Variants in CD163 observed in about 807,000 individuals in gnomAD.
CD163 encodes the protein scavenger receptor cysteine-rich type 1 protein M130.
A neutral mutation model predicts 129.2 loss-of-function variants in CD163; 64 were observed. That is an observed-to-expected ratio of 0.50 (90% CI 0.41 to 0.61). The LOEUF (loss-of-function observed/expected upper bound fraction) is 0.61. Ranked by LOEUF, CD163 falls within the 20% of genes least tolerant of loss-of-function variation. The probability of loss-of-function intolerance (pLI) is 0.00; values close to 1 mark genes in which losing one functional copy is unlikely to be tolerated. For synonymous variants in CD163, 446 were observed against 478.5 expected (o/e 0.93, Z 0.89); for missense variants, 1,061 against 1,377.9 (o/e 0.77, Z 3.64).
At position 7,485,058 on chromosome 12, in the gene CD163, G is replaced by A. The variant is rs1317822712; in HGVS notation, c.2779+38C>T. ...ATTATCAGAAGATGATAGCGGGGCT[G>A]CAGAATGGAATTTTCATATAGGTCG... On this transcript the variant is annotated intron_variant, in intron 11 of 16. Transcript: ENST00000432237. This position sits in a 1 kb window ranked among gnomAD's most constrained non-coding sequence, Gnocchi z 4.5. 6.6e-7 allele frequency: 1 copy of A among 1,515,070 alleles called. No individual in the cohort carries two copies. 93.9% of individuals were successfully genotyped at this position (1,515,070 alleles called of 1,614,324 possible).
At chr12:7,501,613 T>G (rs185998854) in intron 2 of CD163, 151 bp from the exon 3 acceptor site, 5 of 636,492 alleles carry the variant, frequency 7.9e-6, no homozygotes, top group African/African-American at 7.3e-5. Context: ...TATTTCACAG[T>G]CATTCAAATA....
chr12:7,488,119 A>G, intron 6 of CD163, 32 bp from the exon 7 acceptor site: 1 of 1,539,946 alleles, frequency 6.5e-7, no homozygotes, highest in Non-Finnish European at 8.8e-7. Flanking sequence ...AGTGAGAGGT[A>G]ATATGATTTC....
intron 11 of CD163, among the ~76,000 whole-genome samples, chr12:7,483,917 T>G (rs1370275077): frequency 1.4e-5 from 2 of 146,952 alleles, no homozygotes; most frequent in African/African-American, 5.0e-5. Context: ...CTCGGCTCAC[T>G]GCAAGCTCCG....
chr12:7,483,843 T>TA (rs1259483569), intron 11 of CD163, 168 bp from the exon 12 acceptor site: 184 of 38,382 alleles, frequency 4.8e-3, no homozygotes, highest in African/African-American at 0.011. Context: ...ATATATATAT[T>TA]TTTTTTTTTT....
chr12:7,497,173 A>C, intron 4 of CD163, 40 bp from the exon 5 acceptor site: 1 of 1,533,488 alleles, frequency 6.5e-7, no homozygotes, highest in Non-Finnish European at 8.9e-7. Context: ...ATAAGGAAGC[A>C]AGAACATGAG....
At chr12:7,484,301 C>G (rs773084710) in intron 11 of CD163, among the ~76,000 whole-genome samples, 1 of 152,142 alleles carries the variant, frequency 6.6e-6, no homozygotes, top group East Asian at 1.9e-4. Context: ...TTCAAATAGG[C>G]AAGATCTTGG....
Position 7,495,209 on chromosome 12 carries a change from T to G in CD163, c.1292A>C (p.Gln431Pro). The change falls in exon 6 of 17, where the codon CAG becomes CCG. Residue 431 changes from glutamine to proline, a missense_variant. By Grantham distance (76) the Gln-to-Pro change is moderately conservative. Transcript: ENST00000432237. ...TAGAAACAGCCATGTGTTTGTTGCC[T>G]GGATTTTGGAGTACACTTGATAAGA... ...KTSYQVYSKI[Q>P]ATNTWLFLSS... 1 of 1,614,182 alleles carries G rather than the reference T, an allele frequency of 6.2e-7. No individual in the cohort carries two copies.
rs755739365 is a variant in CD163, at chr12:7,479,992, A to G, written c.3344-79T>C. 1.9e-6 allele frequency: 3 copies of G among 1,607,270 alleles called. No homozygotes were observed. The East Asian group carries it at 6.7e-5, about 36-fold the overall frequency. On this transcript the variant is annotated intron_variant, in intron 15 of 16. Transcript: ENST00000432237. The stretch of plus-strand genomic sequence containing the variant: ...CACTGAAATCAGCTGACTCATGGGA[A>G]TTTTCTGAAAGGAAGAAAATAATTA...
rs752858863 is a variant in CD163, at chr12:7,483,421, G to A, written c.3034C>T (p.Arg1012Cys). 59 of 1,613,854 alleles carry A rather than the reference G, an allele frequency of 3.7e-5. No homozygotes were observed. Among genetic ancestry groups the A allele is most frequent in the East Asian group, 4.5e-5 (2 of 44,872 alleles). Residue 1012 changes from arginine to cysteine, a missense_variant, in exon 12 of 17, where the codon CGC (arginine) becomes TGC (cysteine). Physicochemically the swap from Arg to Cys is radical, Grantham distance 180 (BLOSUM62 -3). Transcript: ENST00000432237. ...TGCCCACACTCACTATGGCCCCAGCGTCTGGCAGGACAATCCCACAAGGAA... is the reference window on the plus strand; with the variant it reads ...TGCCCACACTCACTATGGCCCCAGCATCTGGCAGGACAATCCCACAAGGAA... The part of the protein sequence containing the change: ...ESSLWDCPAR[R>C]WGHSECGHKE...
At position 7,499,052 on chromosome 12, in the gene CD163, T is replaced by C. The variant is rs757780756; in HGVS notation, c.594A>G (p.Arg198=). The C allele has an allele frequency of 8.7e-6, 14 of 1,614,188 alleles. No individual in the cohort carries two copies. Among genetic ancestry groups the C allele is most frequent in the Non-Finnish European group, 1.1e-5 (13 of 1,180,026 alleles). The change falls in exon 4 of 17, where the codon AGA becomes AGG. Residue 198 remains arginine, a synonymous_variant. Coordinates refer to ENST00000432237, the MANE Select transcript of CD163 (RefSeq NM_203416.4). ...TGACAGCACTTCCACATTCAAGTTG[T>C]CTACAAATGACAGATGCATGATCTA... The part of the protein sequence containing the change: ...FNIDHASVIC[R]QLECGSAVSF...
Position 7,496,898 on chromosome 12 carries a change from A to G in CD163, c.1014T>C (p.His338=). The change falls in exon 5 of 17, where the codon CAT becomes CAC. Residue 338 remains histidine (H), a synonymous_variant. Coordinates refer to ENST00000432237, the MANE Select transcript of CD163 (RefSeq NM_203416.4). This position sits in a 1 kb window ranked among gnomAD's most constrained non-coding sequence, Gnocchi z 4.8. ...GTTTACATTGCCAGATAGCAGGTTC[A>G]TGTCCCTGGCAAGAAACGCTGTCAA... ...IWLDSVSCQG[H]EPAIWQCKHH... is the part of the protein sequence containing the mutation. The G allele has an allele frequency of 6.2e-7, 1 of 1,613,998 alleles. No individual in the cohort carries two copies. The highest frequency in any genetic ancestry group is 1.1e-5 in the South Asian group (1 of 91,082).
intron 6 of CD163, among the ~76,000 whole-genome samples, chr12:7,488,376 A>T (rs947788009): frequency 6.6e-6 from 1 of 152,228 alleles, no homozygotes; most frequent in African/African-American, 2.4e-5. Context: ...TGCTTACTTT[A>T]TTCATAATAA....
intron 15 of CD163, chr12:7,480,163 G>T: frequency 1.7e-6 from 1 of 580,236 alleles, no homozygotes. Flanking sequence ...TCCTGACACA[G>T]TAACAGTACA....
In CD163 at chr12:7,483,365, AC is replaced by A; in HGVS notation, c.3088+1del. The A allele has an allele frequency of 6.2e-7, 1 of 1,609,780 alleles. No homozygotes were observed. The highest frequency in any genetic ancestry group is 8.5e-7 in the Non-Finnish European group (1 of 1,177,898). ...AGCTCAATCCAGGCTTCTGGCACTT[AC>A]CTGTGCAATTCACTGCAGCGTCTTC... is the stretch of plus-strand genomic sequence containing the variant. On this transcript the variant is annotated splice_donor_variant, in intron 12 of 16. Coordinates refer to ENST00000432237, the MANE Select transcript of CD163 (RefSeq NM_203416.4). LOFTEE classifies it high-confidence loss of function.
Position 7,496,022 on chromosome 12 carries a change from A to G in CD163, c.1100-621T>C, listed in dbSNP as rs982222290. On this transcript the variant is annotated intron_variant, in intron 5 of 16. Transcript: ENST00000432237. The surrounding 1 kb of genome is among the most constrained non-coding windows in gnomAD (Gnocchi z 4.8). ...ATCATTCTACTATAAAGACACATGC[A>G]CATGTATGTTTATTGCAGCACTATC... Among the ~76,000 whole-genome samples the G allele has an allele frequency of 6.6e-6, 1 of 152,226 alleles. No individual in the cohort carries two copies. Among genetic ancestry groups the G allele is most frequent in the Non-Finnish European group, 1.5e-5 (1 of 68,052 alleles).
chr12:7,474,930 A>T (rs1173832410), intron 16 of CD163, among the ~76,000 whole-genome samples: 2 of 152,106 alleles, frequency 1.3e-5, no homozygotes, highest in African/African-American at 4.8e-5. Flanking sequence ...AACTACCATC[A>T]GAGAATGCTA....
At chr12:7,474,597 A>G (rs953175933) in intron 16 of CD163, among the ~76,000 whole-genome samples, 6 of 152,238 alleles carry the variant, frequency 3.9e-5, no homozygotes, top group African/African-American at 1.4e-4. Flanking sequence ...GGAAATGTAT[A>G]GCACTAAATG....
Position 7,485,213 on chromosome 12 carries a change from T to G in CD163, c.2662A>C (p.Met888Leu). 6.2e-7 allele frequency: 1 copy of G among 1,614,198 alleles called. No individual in the cohort carries two copies. Among genetic ancestry groups the G allele is most frequent in the Non-Finnish European group, 8.5e-7 (1 of 1,180,014 alleles). ...ASLDKAMSIP[M>L]WVDNVQCPKG... ...GGACACTGAACATTGTCCACCCACATGGGAATGGACATGGCCTTGTCTAAA... is the reference window on the plus strand; with the variant it reads ...GGACACTGAACATTGTCCACCCACAGGGGAATGGACATGGCCTTGTCTAAA... The change falls in exon 11 of 17, where the codon ATG (methionine) becomes CTG (leucine). Residue 888 changes from methionine to leucine, a missense_variant. Met to Leu is a conservative substitution (Grantham distance 15, BLOSUM62 2). Transcript: ENST00000432237. The surrounding 1 kb of genome is among the most constrained non-coding windows in gnomAD (Gnocchi z 4.5).
chr12:7,496,782 G>C lies in CD163; in HGVS notation c.1099+31C>G, dbSNP rs1453221805. The stretch of plus-strand genomic sequence containing the variant: ...CCGTTTCTGCTTTTCTTTTTGTTTA[G>C]TGTTTTGGTTTTGGTTTGGTTTTAA... On this transcript the variant is annotated intron_variant, in intron 5 of 16. Coordinates refer to ENST00000432237, the MANE Select transcript of CD163 (RefSeq NM_203416.4). This position sits in a 1 kb window ranked among gnomAD's most constrained non-coding sequence, Gnocchi z 4.8. The C allele has an allele frequency of 6.9e-6, 11 of 1,590,740 alleles. No individual in the cohort carries two copies. Among genetic ancestry groups the C allele is most frequent in the Non-Finnish European group, 9.5e-6 (11 of 1,159,718 alleles).
Sources: gnomAD v4.1 joint callset for allele counts (sites outside exome capture counted in the v4.1 genomes callset) on GRCh38, gnomAD v4.1.1 for gene constraint, Gnocchi (gnomAD v3.1) non-coding constraint, MANE v1.5 for transcripts, NCBI Gene and HGNC (gene_info 2026-07-23, HGNC 2026-07-21) for gene names.